NEK6: variants seen among roughly 807,000 people sequenced by gnomAD.
NEK6 encodes NIMA related kinase 6.
Under a neutral mutation model 43.5 loss-of-function variants are expected in NEK6, and 27 were observed. That is an observed-to-expected ratio of 0.62 (90% confidence interval 0.46 to 0.86). The LOEUF (loss-of-function observed/expected upper bound fraction) is 0.86, where lower values mean the gene tolerates loss of function less well. Ranked by LOEUF, NEK6 falls within the 40% of genes least tolerant of loss-of-function variation. The pLI, the probability that NEK6 is intolerant of heterozygous loss-of-function variation, is 0.00. For synonymous variants in NEK6, 167 were observed against 164.1 expected (o/e 1.02, Z -0.14); for missense variants, 318 against 414.4 (o/e 0.77, Z 2.02).
At chr9:124,281,333 A>G (rs369257101) in intron 1 of NEK6, among the ~76,000 whole-genome samples, 4 of 152,254 alleles carry the variant, frequency 2.6e-5, no homozygotes, top group African/African-American at 7.2e-5. Context: ...CACGATTGAA[A>G]AAGTCACCTA....
chr9:124,258,105 G>GGCCGGGCCGGTGGGGCCC lies in NEK6; in HGVS notation c.-30+21_-30+38dup. ...GCGCCGGTGAGTCGCCTGGGGCTGG[G>GGCCGGGCCGGTGGGGCCC]GCCGGGCCGGTGGGGCCCCGCGGCC... On this transcript the variant is annotated intron_variant, in intron 1 of 9. Coordinates refer to ENST00000320246, the MANE Select transcript of NEK6 (RefSeq NM_014397.6). The GGCCGGGCCGGTGGGGCCC allele has an allele frequency of 1.0e-6, 1 of 978,936 alleles. No individual in the cohort carries two copies. The highest frequency in any genetic ancestry group is 1.2e-6 in the Non-Finnish European group (1 of 827,432). 60.6% of individuals were successfully genotyped at this position (978,936 alleles called of 1,614,324 possible).
At chr9:124,267,869 C>T (rs1312400691) in intron 1 of NEK6, among the ~76,000 whole-genome samples, 1 of 152,292 alleles carries the variant, frequency 6.6e-6, no homozygotes, top group South Asian at 2.1e-4. Context: ...CTTTCACTCG[C>T]ACAGACCTTT....
intron 2 of NEK6, among the ~76,000 whole-genome samples, chr9:124,303,963 T>C (rs1411360391): frequency 6.6e-6 from 1 of 152,210 alleles, no homozygotes; most frequent in Non-Finnish European, 1.5e-5. Flanking sequence ...GAAGAGGCGG[T>C]GGGCTGCAGT....
chr9:124,335,124 TC>T (rs1829221180), intron 7 of NEK6, among the ~76,000 whole-genome samples: 1 of 152,198 alleles, frequency 6.6e-6, no homozygotes, highest in Admixed American at 6.5e-5. Context: ...TGTAGGCACA[TC>T]CATCCATAGC....
At chr9:124,260,992 G>A (rs773436206) in intron 1 of NEK6, 2 of 152,244 alleles carry the variant, frequency 1.3e-5, no homozygotes, top group African/African-American at 2.4e-5. Flanking sequence ...TCGTTTTCCT[G>A]ATCTTACAGA....
At chr9:124,330,978 G>T (rs972372847) in intron 7 of NEK6, among the ~76,000 whole-genome samples, 3 of 152,068 alleles carry the variant, frequency 2.0e-5, no homozygotes, top group Non-Finnish European at 4.4e-5. Flanking sequence ...TTGTTTTTTC[G>T]TTGGCCAGGC....
intron 1 of NEK6, among the ~76,000 whole-genome samples, chr9:124,296,105 G>A (rs1034189924): frequency 6.6e-6 from 1 of 152,270 alleles, no homozygotes; most frequent in Non-Finnish European, 1.5e-5. Flanking sequence ...TCGGGCAGTG[G>A]AGCCTCTGCA....
At chr9:124,294,199 C>A (rs1228637995) in intron 1 of NEK6, among the ~76,000 whole-genome samples, 1 of 152,206 alleles carries the variant, frequency 6.6e-6, no homozygotes, top group East Asian at 1.9e-4. Flanking sequence ...AACCCCGTCT[C>A]TACTAAAACT....
chr9:124,277,980 T>A (rs1157670803), intron 1 of NEK6, among the ~76,000 whole-genome samples: 1 of 152,192 alleles, frequency 6.6e-6, no homozygotes, highest in Non-Finnish European at 1.5e-5. Context: ...AGGGGCGCCT[T>A]TGAGTTTTAA....
chr9:124,288,765 G>GCTCA (rs1832270304), intron 1 of NEK6, among the ~76,000 whole-genome samples: 1 of 152,124 alleles, frequency 6.6e-6, no homozygotes, highest in Non-Finnish European at 1.5e-5. Flanking sequence ...ACTGGCCCAG[G>GCTCA]CTCACATGGG....
chr9:124,302,438 C>A (rs1833031042), intron 2 of NEK6, among the ~76,000 whole-genome samples: 1 of 152,196 alleles, frequency 6.6e-6, no homozygotes, highest in African/African-American at 2.4e-5. Flanking sequence ...TCAGAAAATT[C>A]TTTCTTACAG....
chr9:124,274,498 A>C (rs1475742546), intron 1 of NEK6, among the ~76,000 whole-genome samples: 1 of 152,192 alleles, frequency 6.6e-6, no homozygotes, highest in African/African-American at 2.4e-5. Context: ...AGTAGCACTG[A>C]AGTTTGAACC....
At chr9:124,268,031 G>A (rs759712010) in intron 1 of NEK6, among the ~76,000 whole-genome samples, 6 of 152,224 alleles carry the variant, frequency 3.9e-5, no homozygotes, top group East Asian at 1.9e-4. Flanking sequence ...TCTGCTGTGC[G>A]AAGTCTCTGG....
intron 1 of NEK6, among the ~76,000 whole-genome samples, chr9:124,294,382 A>G (rs1832577127): frequency 6.6e-6 from 1 of 152,076 alleles, no homozygotes; most frequent in Non-Finnish European, 1.5e-5. Flanking sequence ...TGGTCTGAGA[A>G]GCAGGTTCAA....
intron 1 of NEK6, among the ~76,000 whole-genome samples, chr9:124,289,898 G>T (rs1482435260): frequency 6.6e-6 from 1 of 152,226 alleles, no homozygotes; most frequent in Non-Finnish European, 1.5e-5. Flanking sequence ...AGTCTGGCCT[G>T]TATGAGTCCT....
At chr9:124,315,942 G>A (rs922716261) in intron 4 of NEK6, among the ~76,000 whole-genome samples, 1 of 152,250 alleles carries the variant, frequency 6.6e-6, no homozygotes, top group African/African-American at 2.4e-5. Context: ...GGACGCTGGA[G>A]GAGTCAGTGA....
At chr9:124,263,730 C>CGTG (rs1488620413) in intron 1 of NEK6, among the ~76,000 whole-genome samples, 16 of 152,306 alleles carry the variant, frequency 1.1e-4, no homozygotes, top group Non-Finnish European at 1.5e-4. Flanking sequence ...CACCAGAGCA[C>CGTG]CTTCCTAGGA....
intron 1 of NEK6, among the ~76,000 whole-genome samples, chr9:124,264,263 T>G (rs909277334): frequency 6.6e-6 from 1 of 152,214 alleles, no homozygotes; most frequent in Non-Finnish European, 1.5e-5. Flanking sequence ...CGTCACACCC[T>G]AGACCCAGCT....
intron 2 of NEK6, among the ~76,000 whole-genome samples, chr9:124,311,935 C>G (rs564264467): frequency 1.5e-4 from 23 of 152,342 alleles, no homozygotes; most frequent in African/African-American, 5.5e-4. Context: ...CGAACTCCCG[C>G]CTCAGCTCCC....
Sources: gnomAD v4.1 joint callset for allele counts (sites outside exome capture counted in the v4.1 genomes callset) on GRCh38, gnomAD v4.1.1 for gene constraint, MANE v1.5 for transcripts, NCBI Gene and HGNC (gene_info 2026-07-23, HGNC 2026-07-21) for gene names.